Variants in MBD5 observed in about 807,000 individuals in gnomAD.
MBD5 encodes the protein methyl-CpG binding domain protein 5.
A neutral mutation model predicts 117.3 loss-of-function variants in MBD5; 13 were observed. That is an observed-to-expected ratio of 0.11 (90% CI 0.07 to 0.18). The LOEUF is 0.18. MBD5 is among the 10% of genes least tolerant of loss of function. MBD5 has a pLI of 1.00. For synonymous variants in MBD5, 727 were observed against 766.4 expected (o/e 0.95, Z 0.85); for missense variants, 1,879 against 2,093.8 (o/e 0.90, Z 2.00).
intron 1 of MBD5, among the ~76,000 whole-genome samples, chr2:148,131,931 T>C (rs572760448): frequency 2.8e-4 from 43 of 152,332 alleles, no homozygotes; most frequent in South Asian, 1.2e-3. Context: ...TGTGTGCTTT[T>C]TTGAATGCTA....
chr2:148,319,892 G>A (rs1702243264), intron 3 of MBD5, among the ~76,000 whole-genome samples: 2 of 152,158 alleles, frequency 1.3e-5, no homozygotes, highest in Admixed American at 6.5e-5. Flanking sequence ...CTCTGGGACT[G>A]TCATATATGG....
rs546920919 is a variant in MBD5, at chr2:148,079,324, G to T, written c.-925+57640G>T. On this transcript the variant is annotated intron_variant, in intron 1 of 13. Transcript: ENST00000642680. ...GCAATGGTTTTCAAATGTTTTACAG[G>T]ATGATAGTAGTATTGGCAGCAAGCT... is the stretch of plus-strand genomic sequence containing the variant. Among the ~76,000 whole-genome samples the T allele has an allele frequency of 3.9e-5, 6 of 152,286 alleles. No individual in the cohort carries two copies. In the South Asian group the frequency reaches 1.2e-3, roughly 32 times the overall value.
chr2:148,158,936 A>T (rs1448729603), intron 1 of MBD5, among the ~76,000 whole-genome samples: 1 of 152,118 alleles, frequency 6.6e-6, no homozygotes, highest in African/African-American at 2.4e-5. Context: ...GTTAGCCAGG[A>T]TGGTCTCGAT....
At chr2:148,284,812 A>G (rs1331077066) in intron 3 of MBD5, among the ~76,000 whole-genome samples, 1 of 152,134 alleles carries the variant, frequency 6.6e-6, no homozygotes, top group African/African-American at 2.4e-5. Context: ...ATATACATAG[A>G]TTTGTGTAAC....
chr2:148,232,656 T>C (rs1700017774), intron 2 of MBD5, among the ~76,000 whole-genome samples: 1 of 151,822 alleles, frequency 6.6e-6, no homozygotes, highest in African/African-American at 2.4e-5. Flanking sequence ...TTTCTTTTTT[T>C]TTTTTTTGGT....
At chr2:148,298,638 G>T (rs1701711165) in intron 3 of MBD5, among the ~76,000 whole-genome samples, 1 of 152,176 alleles carries the variant, frequency 6.6e-6, no homozygotes, top group Non-Finnish European at 1.5e-5. Context: ...CTTTTGGACA[G>T]TATCCCATAA....
chr2:148,178,716 T>G lies in MBD5; in HGVS notation c.-908T>G. On this transcript the variant is annotated 5_prime_UTR_variant, in exon 2 of 14. Coordinates refer to ENST00000642680, the MANE Select transcript of MBD5 (RefSeq NM_001378120.1). ...CTCTTTTAGATGTACATTGAAGATG[T>G]CAGTTTCTACATGTGGGAAGTAGAC... 2.5e-6 allele frequency: 1 copy of G among 398,492 alleles called. No homozygotes were observed. Among genetic ancestry groups the G allele is most frequent in the East Asian group, 3.6e-5 (1 of 27,914 alleles). 24.7% of individuals were successfully genotyped at this position (398,492 alleles called of 1,614,324 possible). A position where few individuals can be genotyped will look rare whatever the true frequency, so the allele number is the denominator to read the frequency against.
chr2:148,124,595 T>C (rs1696846140), intron 1 of MBD5, among the ~76,000 whole-genome samples: 1 of 152,060 alleles, frequency 6.6e-6, no homozygotes, highest in Admixed American at 6.6e-5. Flanking sequence ...AAAGAATAAT[T>C]ACTGAGGGTT....
At chr2:148,290,067 T>G (rs1701465749) in intron 3 of MBD5, among the ~76,000 whole-genome samples, 1 of 150,296 alleles carries the variant, frequency 6.7e-6, no homozygotes, top group Admixed American at 6.7e-5. Context: ...GCAATTATCC[T>G]GCCTCAGCCT....
In MBD5 at chr2:148,468,743, A is replaced by G. The variant is rs1553518483; in HGVS notation, c.800A>G (p.His267Arg). The G allele has an allele frequency of 6.2e-7, 1 of 1,613,770 alleles. No individual in the cohort carries two copies. Among genetic ancestry groups the G allele is most frequent in the Non-Finnish European group, 8.5e-7 (1 of 1,179,878 alleles). ...GGAGCTCCCAATTCTAGTCCTATTCACCTGAATAGGACTCCTCTTTCTCCA... is the reference window on the plus strand; with the variant it reads ...GGAGCTCCCAATTCTAGTCCTATTCGCCTGAATAGGACTCCTCTTTCTCCA... ...FHGAPNSSPI[H>R]LNRTPLSPPS... The change falls in exon 8 of 14, where the codon CAC becomes CGC. Residue 267 changes from histidine to arginine, a missense_variant. Around this residue, in one of 4 missense-constraint regions of MBD5, gnomAD observed 1,666 missense variants for 1,792.2 expected, o/e 0.93. Coordinates refer to ENST00000642680, the MANE Select transcript of MBD5 (RefSeq NM_001378120.1).
intron 11 of MBD5, among the ~76,000 whole-genome samples, chr2:148,498,506 TTTTG>T (rs1434725891): frequency 6.6e-6 from 1 of 152,178 alleles, no homozygotes. Flanking sequence ...CCCAGCTATT[TTTTG>T]TATTTTTAGT....
chr2:148,221,666 A>C (rs1408797725), intron 2 of MBD5, among the ~76,000 whole-genome samples: 2 of 151,892 alleles, frequency 1.3e-5, no homozygotes, highest in Non-Finnish European at 2.9e-5. Context: ...ATTAACCCCT[A>C]GTCTGATGGG....
Position 148,281,886 on chromosome 2 carries a change from CA to C in MBD5, c.-680+48493del, listed in dbSNP as rs1701255795. On this transcript the variant is annotated intron_variant, in intron 3 of 13. Transcript: ENST00000642680. ...CCATTTTTATGCACTGAGACTTGCT[CA>C]AGTCTTTTGCCAGGTGGTTCTTTTT... Among the ~76,000 whole-genome samples, 3 of 152,278 alleles carry C rather than the reference CA, an allele frequency of 2.0e-5. No homozygotes were observed. In the South Asian group the frequency reaches 6.2e-4, roughly 32 times the overall value.
intron 1 of MBD5, among the ~76,000 whole-genome samples, chr2:148,132,486 A>G (rs1362606149): frequency 6.6e-6 from 1 of 151,968 alleles, no homozygotes; most frequent in Non-Finnish European, 1.5e-5. Flanking sequence ...TGAAATGTAA[A>G]AATGAACTGC....
At chr2:148,226,618 G>T (rs59050239) in intron 2 of MBD5, among the ~76,000 whole-genome samples, 3 of 152,198 alleles carry the variant, frequency 2.0e-5, no homozygotes, top group Admixed American at 6.5e-5. Flanking sequence ...AATCTTTTGG[G>T]TATATACCCA....
intron 1 of MBD5, among the ~76,000 whole-genome samples, chr2:148,132,221 A>G (rs1697065550): frequency 6.6e-6 from 1 of 151,832 alleles, no homozygotes; most frequent in African/African-American, 2.4e-5. Context: ...ACAAAAAGAG[A>G]GTTTTATATG....
chr2:148,501,217 T>G (rs993943047), intron 11 of MBD5, among the ~76,000 whole-genome samples: 1 of 152,238 alleles, frequency 6.6e-6, no homozygotes, highest in African/African-American at 2.4e-5. Context: ...GTTCTAGATT[T>G]GAAGGGGTCA....
Position 148,502,464 on chromosome 2 carries a change from C to G in MBD5, c.4991C>G (p.Thr1664Arg). The G allele has an allele frequency of 6.2e-7, 1 of 1,614,172 alleles. No individual in the cohort carries two copies. The highest frequency in any genetic ancestry group is 1.1e-5 in the South Asian group (1 of 91,082). The change falls in exon 12 of 14, where the codon ACA becomes AGA. Residue 1664 changes from threonine to arginine, a missense_variant. Physicochemically the swap from Thr to Arg is moderately conservative, Grantham distance 71 (BLOSUM62 -1). Coordinates refer to ENST00000642680, the MANE Select transcript of MBD5 (RefSeq NM_001378120.1). ...KVEPEKLKTL[T>R]EGLEAYSRVR... ...GAGCCCGAGAAGTTGAAGACACTAA[C>G]AGAAGGTTTGGAAGCCTACAGCCGT... is the stretch of plus-strand genomic sequence containing the variant.
chr2:148,149,061 G>T (rs532694849), intron 1 of MBD5, among the ~76,000 whole-genome samples: 3 of 151,622 alleles, frequency 2.0e-5, no homozygotes, highest in Non-Finnish European at 4.4e-5. Context: ...CTAGCATTAG[G>T]TATATCTCCC....
Sources: gnomAD v4.1 joint callset for allele counts (sites outside exome capture counted in the v4.1 genomes callset) on GRCh38, gnomAD v4.1.1 for gene constraint, gnomAD v4.1.1 regional missense constraint, MANE v1.5 for transcripts, NCBI Gene and HGNC (gene_info 2026-07-23, HGNC 2026-07-21) for gene names.